ZNF813: variants seen among roughly 807,000 people sequenced by gnomAD.
ZNF813 encodes zinc finger protein 813.
Under a neutral mutation model 7.2 loss-of-function variants are expected in ZNF813, and 3 were observed. The observed-to-expected ratio is 0.42, with a 90% CI of 0.19 to 1.08. The LOEUF is 1.08. Among genes scored for constraint, ZNF813 ranks in the 50% least tolerant of loss-of-function variants. The pLI, the probability that ZNF813 is intolerant of heterozygous loss-of-function variation, is 0.30. For missense variants in ZNF813, 714 were observed against 753.3 expected, an observed-to-expected ratio of 0.95 and a Z score of 0.61; for synonymous variants, 227 against 256.3, an observed-to-expected ratio of 0.89 and a Z score of 1.09.
At position 53,493,497 on chromosome 19, in the gene ZNF813, T is replaced by C. The variant is rs1297505270; in HGVS notation, c.*1411T>C. The C allele has an allele frequency of 1.3e-5, 2 of 151,832 alleles. No homozygotes were observed. Among genetic ancestry groups the C allele is most frequent in the South Asian group, 2.1e-4 (1 of 4,832 alleles). The allele number at this position is 151,832 out of a possible 1,614,324, so 9.4% of individuals were successfully genotyped here. On this transcript the variant is annotated 3_prime_UTR_variant, in exon 4 of 4. Transcript: ENST00000396403. Reference sequence around the variant, plus strand: ...TAAATTTTCTTTTAAAATTGTTTATTGTTACAAACTTCTCATCTTTTTGCT... The same window carrying C: ...TAAATTTTCTTTTAAAATTGTTTATCGTTACAAACTTCTCATCTTTTTGCT...
chr19:53,472,753 C>T (rs2086365622), intron 1 of ZNF813, among the ~76,000 whole-genome samples: 1 of 151,924 alleles, frequency 6.6e-6, no homozygotes, highest in Admixed American at 6.6e-5. Context: ...GCTGTGATTA[C>T]AGGCATGTAC....
chr19:53,476,925 G>A (rs892088298), intron 1 of ZNF813, among the ~76,000 whole-genome samples: 6 of 152,120 alleles, frequency 3.9e-5, no homozygotes, highest in Admixed American at 2.0e-4. Context: ...GCCTCCCAAA[G>A]TGCTGGGATT....
At chr19:53,486,545 A>T (rs2086434892) in intron 2 of ZNF813, 87 bp from the exon 3 acceptor site, 1 of 1,608,240 alleles carries the variant, frequency 6.2e-7, no homozygotes, top group Non-Finnish European at 8.5e-7. Flanking sequence ...AATTAAATCC[A>T]TGCTTTCCCC....
At position 53,495,889 on chromosome 19, in the gene ZNF813, TCA is replaced by T; in HGVS notation, c.*3806_*3807del. ...ACTTGACTCCCCTTCTCGCCAGATC[TCA>T]CAGGACTTTCAGATTTAAGCAATAC... is the stretch of plus-strand genomic sequence containing the variant. On this transcript the variant is annotated 3_prime_UTR_variant, in exon 4 of 4. Coordinates refer to ENST00000396403, the MANE Select transcript of ZNF813 (RefSeq NM_001004301.4). The T allele has an allele frequency of 3.8e-6, 1 of 263,582 alleles. No homozygotes were observed. Among genetic ancestry groups the T allele is most frequent in the Non-Finnish European group, 7.7e-6 (1 of 130,496 alleles). The allele number at this position is 263,582 out of a possible 1,614,324, so 16.3% of individuals were successfully genotyped here. A position where few individuals can be genotyped will look rare whatever the true frequency, so the allele number is the denominator to read the frequency against.
chr19:53,477,307 C>A (rs1048178891), intron 1 of ZNF813, among the ~76,000 whole-genome samples: 2 of 152,044 alleles, frequency 1.3e-5, no homozygotes, highest in Admixed American at 6.6e-5. Flanking sequence ...GTTTATAGAG[C>A]CTTTCTGAAC....
chr19:53,491,716 A>G lies in ZNF813; in HGVS notation c.1484A>G (p.Tyr495Cys). The G allele has an allele frequency of 6.4e-7, 1 of 1,573,676 alleles. No individual in the cohort carries two copies. The highest frequency in any genetic ancestry group is 1.1e-5 in the South Asian group (1 of 88,928). Reference sequence around the variant, plus strand: ...GCAATTCATACTGGAGAGAAACCTTACAAGTGTAATGAATGTGGCAAGGGT... The same window carrying G: ...GCAATTCATACTGGAGAGAAACCTTGCAAGTGTAATGAATGTGGCAAGGGT... ...HTAIHTGEKP[Y>C]KCNECGKGFN... Residue 495 changes from tyrosine to cysteine, a missense_variant, in exon 4 of 4, where the codon TAC becomes TGC. Around this residue, in one of 3 missense-constraint regions of ZNF813, gnomAD observed 563 missense variants for 554.2 expected, o/e 1.02. Coordinates refer to ENST00000396403, the MANE Select transcript of ZNF813 (RefSeq NM_001004301.4).
At chr19:53,472,147 A>G (rs888098720) in intron 1 of ZNF813, among the ~76,000 whole-genome samples, 9 of 152,086 alleles carry the variant, frequency 5.9e-5, no homozygotes, top group African/African-American at 2.2e-4. Context: ...GTATGGGGTA[A>G]CCTGCAGTCC....
intron 1 of ZNF813, among the ~76,000 whole-genome samples, chr19:53,474,516 G>T (rs1470617151): frequency 1.3e-5 from 2 of 152,074 alleles, no homozygotes; most frequent in East Asian, 3.9e-4. Context: ...GTGACGTCCA[G>T]TCTCTACTGA....
Position 53,494,430 on chromosome 19 carries a change from G to A in ZNF813, c.*2344G>A, listed in dbSNP as rs1186258755. 3.9e-5 allele frequency: 6 copies of A among 152,092 alleles called. No individual in the cohort carries two copies. Among genetic ancestry groups the A allele is most frequent in the African/African-American group, 1.4e-4 (6 of 41,396 alleles). 9.4% of individuals were successfully genotyped at this position (152,092 alleles called of 1,614,324 possible). A position where few individuals can be genotyped will look rare whatever the true frequency, so the allele number is the denominator to read the frequency against. ...AGGCCAAGGTGGGTGGATCACCTGA[G>A]ATCCAGAGTTCGAGACCAGCCTCAC... On this transcript the variant is annotated 3_prime_UTR_variant, in exon 4 of 4. Coordinates refer to ENST00000396403, the MANE Select transcript of ZNF813 (RefSeq NM_001004301.4).
At chr19:53,468,319 C>G (rs1171645092) in intron 1 of ZNF813, among the ~76,000 whole-genome samples, 1 of 150,850 alleles carries the variant, frequency 6.6e-6, no homozygotes, top group Non-Finnish European at 1.5e-5. Context: ...GGGGAGGTGC[C>G]CGGGGCTTGT....
At chr19:53,481,290 C>A (rs1397948081) in intron 1 of ZNF813, among the ~76,000 whole-genome samples, 1 of 151,216 alleles carries the variant, frequency 6.6e-6, no homozygotes, top group Non-Finnish European at 1.5e-5. Flanking sequence ...ACTAGCAAGC[C>A]CTGCCTCAGC....
chr19:53,494,702 C>T lies in ZNF813; in HGVS notation c.*2616C>T, dbSNP rs2086479308. The T allele has an allele frequency of 6.6e-6, 1 of 151,306 alleles. No homozygotes were observed. Among genetic ancestry groups the T allele is most frequent in the Non-Finnish European group, 1.5e-5 (1 of 67,884 alleles). 9.4% of individuals were successfully genotyped at this position (151,306 alleles called of 1,614,324 possible). On this transcript the variant is annotated 3_prime_UTR_variant, in exon 4 of 4. Transcript: ENST00000396403. ...CTCTATCAAAGCAATATAAATCCTG[C>T]TAAAATTGAAACAAAAAGGAGCATC...
intron 1 of ZNF813, among the ~76,000 whole-genome samples, chr19:53,482,712 GTTTTTT>G (rs869250512): frequency 2.6e-4 from 23 of 89,084 alleles, no homozygotes; most frequent in Non-Finnish European, 4.1e-4. Context: ...AATGCTTTTT[GTTTTTT>G]TTTTTTTTTT....
intron 2 of ZNF813, among the ~76,000 whole-genome samples, chr19:53,486,132 A>G (rs1319871273): frequency 2.0e-5 from 3 of 152,108 alleles, no homozygotes; most frequent in Non-Finnish European, 4.4e-5. Flanking sequence ...ACTCTGTCTC[A>G]TCTAGATACT....
chr19:53,485,431 C>T (rs2086427476), intron 2 of ZNF813, among the ~76,000 whole-genome samples: 1 of 152,140 alleles, frequency 6.6e-6, no homozygotes, highest in Non-Finnish European at 1.5e-5. Flanking sequence ...TACACACACA[C>T]AAATGTATAT....
intron 3 of ZNF813, 79 bp downstream of exon 3, chr19:53,486,837 C>T (rs2086436657): frequency 1.2e-6 from 2 of 1,607,216 alleles, no homozygotes; most frequent in Non-Finnish European, 1.7e-6. Context: ...GATACAGTGT[C>T]TTGCTCTGTC....
chr19:53,470,274 C>T (rs2086352054), intron 1 of ZNF813, among the ~76,000 whole-genome samples: 2 of 152,252 alleles, frequency 1.3e-5, no homozygotes, highest in South Asian at 2.1e-4. Context: ...TAACTGTTCT[C>T]TAAGTGAGCT....
Position 53,492,863 on chromosome 19 carries a change from G to T in ZNF813, c.*777G>T. On this transcript the variant is annotated 3_prime_UTR_variant, in exon 4 of 4. Transcript: ENST00000396403. Reference sequence around the variant, plus strand: ...GCAAAACATAGGAGAATTCATACAGGAGAGAAACCTCACGTGTGATGATTG... The same window carrying T: ...GCAAAACATAGGAGAATTCATACAGTAGAGAAACCTCACGTGTGATGATTG... 1 of 470,420 alleles carries T rather than the reference G, an allele frequency of 2.1e-6. No homozygotes were observed. Among genetic ancestry groups the T allele is most frequent in the South Asian group, 1.5e-5 (1 of 65,890 alleles). 29.1% of individuals were successfully genotyped at this position (470,420 alleles called of 1,614,324 possible).
chr19:53,473,544 A>G (rs1411431999), intron 1 of ZNF813, among the ~76,000 whole-genome samples: 1 of 152,196 alleles, frequency 6.6e-6, no homozygotes, highest in Non-Finnish European at 1.5e-5. Context: ...GATCTACGGC[A>G]TGATTCCTGC....
Sources: gnomAD v4.1 joint callset for allele counts (sites outside exome capture counted in the v4.1 genomes callset) on GRCh38, gnomAD v4.1.1 for gene constraint, gnomAD v4.1.1 regional missense constraint, MANE v1.5 for transcripts, NCBI Gene and HGNC (gene_info 2026-07-23, HGNC 2026-07-21) for gene names.